Variants in PIP4K2A observed in about 807,000 individuals in gnomAD.
The protein encoded by PIP4K2A is phosphatidylinositol 5-phosphate 4-kinase type-2 alpha.
A neutral mutation model predicts 42.9 loss-of-function variants in PIP4K2A; 14 were observed. The observed-to-expected ratio is 0.33, with a 90% CI of 0.22 to 0.51. The LOEUF is 0.51. PIP4K2A is among the 20% of genes least tolerant of loss of function. PIP4K2A has a pLI of 0.97. For missense variants in PIP4K2A, 434 were observed against 519.8 expected (o/e 0.83, Z 1.61); for synonymous variants, 192 against 192.2 (o/e 1.00, Z 0.01).
chr10:22,709,861 C>CA (rs1192899660), intron 1 of PIP4K2A, among the ~76,000 whole-genome samples: 5 of 151,624 alleles, frequency 3.3e-5, no homozygotes, highest in African/African-American at 4.8e-5. Context: ...TTAAAAAGAA[C>CA]AAAAAAATAG....
At chr10:22,700,598 C>T (rs976917089) in intron 1 of PIP4K2A, among the ~76,000 whole-genome samples, 2 of 152,198 alleles carry the variant, frequency 1.3e-5, no homozygotes, top group Non-Finnish European at 2.9e-5. Flanking sequence ...GGGTGCCTGT[C>T]TCCCGCTAAT....
chr10:22,539,209 G>A (rs999525225), intron 9 of PIP4K2A, among the ~76,000 whole-genome samples: 3 of 152,170 alleles, frequency 2.0e-5, no homozygotes, highest in African/African-American at 7.2e-5. Flanking sequence ...CTGGGTCCGG[G>A]GGAGGAATCT....
chr10:22,678,689 T>TA (rs1383285423), intron 1 of PIP4K2A, among the ~76,000 whole-genome samples: 1 of 152,200 alleles, frequency 6.6e-6, no homozygotes, highest in Non-Finnish European at 1.5e-5. Flanking sequence ...TCTTGGTACT[T>TA]AGATTCCGAA....
At chr10:22,660,500 T>G (rs1399098434) in intron 1 of PIP4K2A, among the ~76,000 whole-genome samples, 3 of 151,604 alleles carry the variant, frequency 2.0e-5, no homozygotes, top group Admixed American at 6.6e-5. Context: ...AAACGCTTAC[T>G]GAATCCTGAA....
chr10:22,695,254 A>G (rs1456583353), intron 1 of PIP4K2A, among the ~76,000 whole-genome samples: 1 of 152,214 alleles, frequency 6.6e-6, no homozygotes. Flanking sequence ...GATCCTTTTA[A>G]AACTTCTATG....
chr10:22,634,064 G>A lies in PIP4K2A; in HGVS notation c.145-24347C>T, dbSNP rs150118175. ...ACAAAATGTAGTTAAATCAAAATAT[G>A]ATTATGGGACTTAGAGTCACTATGA... On this transcript the variant is annotated intron_variant, in intron 1 of 9. Transcript: ENST00000376573. 1.3e-4 allele frequency among the ~76,000 whole-genome samples: 20 copies of A among 152,310 alleles called. No homozygotes were observed. The East Asian group carries it at 3.7e-3, about 28-fold the overall frequency.
chr10:22,621,040 T>C lies in PIP4K2A; in HGVS notation c.145-11323A>G, dbSNP rs111795008. Among the ~76,000 whole-genome samples, 11 of 152,332 alleles carry C rather than the reference T, an allele frequency of 7.2e-5. 1 individual carries two copies. Among genetic ancestry groups the C allele is most frequent in the African/African-American group, 2.6e-4 (11 of 41,580 alleles). ...CAGGGGACAGGGAAGAGATGCTAAA[T>C]GAAGCTAATATGCCTGCAGTTGCCT... On this transcript the variant is annotated intron_variant, in intron 1 of 9. Coordinates refer to ENST00000376573, the MANE Select transcript of PIP4K2A (RefSeq NM_005028.5).
chr10:22,539,886 G>GGGGGGA (rs1390963717), intron 9 of PIP4K2A, 85 bp downstream of exon 9: 3 of 699,528 alleles, frequency 4.3e-6, no homozygotes, highest in African/African-American at 5.5e-5. Context: ...AGAGGAGCCA[G>GGGGGGA]GAGAGAGAGA....
At chr10:22,642,858 A>G (rs1838809114) in intron 1 of PIP4K2A, among the ~76,000 whole-genome samples, 6 of 152,150 alleles carry the variant, frequency 3.9e-5, no homozygotes, top group Admixed American at 2.6e-4. Context: ...ATAGTAATTC[A>G]TGTATTTTAG....
At position 22,664,158 on chromosome 10, in the gene PIP4K2A, T is replaced by TATATAC. The variant is rs1564460180; in HGVS notation, c.144+50024_144+50025insGTATAT. 4.3e-4 allele frequency among the ~76,000 whole-genome samples: 29 copies of TATATAC among 68,028 alleles called. 1 individual carries two copies. Among genetic ancestry groups the TATATAC allele is most frequent in the Non-Finnish European group, 5.3e-4 (21 of 39,552 alleles). 44.6% of individuals were successfully genotyped at this position (68,028 alleles called of 152,430 possible). A position where few individuals can be genotyped will look rare whatever the true frequency, so the allele number is the denominator to read the frequency against. The stretch of plus-strand genomic sequence containing the variant: ...ATATATATACATATATATACACATA[T>TATATAC]ATATATATACATATATATATATACA... On this transcript the variant is annotated intron_variant, in intron 1 of 9. Transcript: ENST00000376573.
At chr10:22,664,104 C>CACAT (rs1839276549) in intron 1 of PIP4K2A, among the ~76,000 whole-genome samples, 2 of 50,374 alleles carry the variant, frequency 4.0e-5, no homozygotes, top group African/African-American at 4.8e-4. Context: ...TATATATATA[C>CACAT]ATATATATAT....
At chr10:22,608,831 T>C (rs1029938813) in intron 2 of PIP4K2A, among the ~76,000 whole-genome samples, 1 of 152,100 alleles carries the variant, frequency 6.6e-6, no homozygotes, top group African/African-American at 2.4e-5. Context: ...GAGATATAAT[T>C]TCACCACTGC....
intron 7 of PIP4K2A, among the ~76,000 whole-genome samples, chr10:22,546,234 A>G (rs1010721460): frequency 6.6e-6 from 1 of 152,326 alleles, no homozygotes; most frequent in African/African-American, 2.4e-5. Flanking sequence ...ACTGAGAGAA[A>G]AAATATGGTG....
At chr10:22,589,521 A>G (rs1370944691) in intron 4 of PIP4K2A, among the ~76,000 whole-genome samples, 2 of 152,368 alleles carry the variant, frequency 1.3e-5, no homozygotes, top group Admixed American at 6.5e-5. Flanking sequence ...AACAAACTAG[A>G]GGCAGTACCA....
intron 6 of PIP4K2A, among the ~76,000 whole-genome samples, chr10:22,563,873 A>C (rs1836770323): frequency 6.6e-6 from 1 of 152,238 alleles, no homozygotes; most frequent in South Asian, 2.1e-4. Context: ...ACGGTCTGGC[A>C]TATAGTTTGT....
intron 1 of PIP4K2A, among the ~76,000 whole-genome samples, chr10:22,664,194 T>TAC (rs1181823700): frequency 4.5e-5 from 3 of 66,146 alleles, no homozygotes; most frequent in Non-Finnish European, 4.9e-5. Flanking sequence ...TATATATACA[T>TAC]ATATATATAC....
intron 1 of PIP4K2A, among the ~76,000 whole-genome samples, chr10:22,642,601 A>AGT (rs1025105226): frequency 1.0e-4 from 2 of 19,538 alleles, no homozygotes; most frequent in East Asian, 1.7e-3. Flanking sequence ...TAAACAGATC[A>AGT]GTGTGTGTGT....
intron 1 of PIP4K2A, among the ~76,000 whole-genome samples, chr10:22,650,349 G>C (rs142105060): frequency 6.6e-6 from 1 of 152,052 alleles, no homozygotes; most frequent in Non-Finnish European, 1.5e-5. Flanking sequence ...TCGACTTCCC[G>C]GGCTCAAGGG....
At chr10:22,646,691 C>T (rs1265951533) in intron 1 of PIP4K2A, among the ~76,000 whole-genome samples, 2 of 152,184 alleles carry the variant, frequency 1.3e-5, no homozygotes, top group Non-Finnish European at 2.9e-5. Context: ...ACTTTGTCTT[C>T]CCTTTCTGAA....
Sources: allele counts gnomAD v4.1 joint callset (sites outside exome capture counted in the v4.1 genomes callset), GRCh38; gene constraint gnomAD v4.1.1; transcripts MANE v1.5; gene names NCBI Gene and HGNC (gene_info 2026-07-23, HGNC 2026-07-21).